MLXIP: variants seen among roughly 807,000 people sequenced by gnomAD.
MLXIP encodes MLX-interacting protein.
A neutral mutation model predicts 87.2 loss-of-function variants in MLXIP; 30 were observed. The ratio of observed to expected loss-of-function variants is 0.34; its 90% CI spans 0.26 to 0.47. The LOEUF (loss-of-function observed/expected upper bound fraction) is 0.47, where lower values mean the gene tolerates loss of function less well. MLXIP is among the 20% of genes least tolerant of loss of function. MLXIP has a pLI of 1.00. For synonymous variants in MLXIP, 530 were observed against 514.0 expected, an observed-to-expected ratio of 1.03 and a Z score of -0.42; for missense variants, 1,002 against 1,240.1, an observed-to-expected ratio of 0.81 and a Z score of 2.88.
rs139539192 is a variant in MLXIP, at chr12:122,098,971, C to T, written c.413+19705C>T. On this transcript the variant is annotated intron_variant, in intron 1 of 16. Coordinates refer to ENST00000319080, the MANE Select transcript of MLXIP (RefSeq NM_014938.6). ...ACTGCAGAGCAGCTGGGCGTGGTGG[C>T]TCACGCCTGTAATCCCAGCACTTTG... 6.6e-5 allele frequency among the ~76,000 whole-genome samples: 10 copies of T among 152,370 alleles called. No individual in the cohort carries two copies. In the East Asian group the frequency reaches 1.9e-3, roughly 29 times the overall value.
chr12:122,078,830 G>A lies in MLXIP; in HGVS notation c.-24G>A, dbSNP rs1213457564. On this transcript the variant is annotated 5_prime_UTR_variant, in exon 1 of 17. Transcript: ENST00000319080. ...TGTCGCGTTGCCCCGGGCTCCGGGG[G>A]ATGCCCCCGGCCGAGCCCTTCTCAT... 4 of 1,053,644 alleles carry A rather than the reference G, an allele frequency of 3.8e-6. No homozygotes were observed. The highest frequency in any genetic ancestry group is 4.6e-6 in the Non-Finnish European group (4 of 874,914). 65.3% of individuals were successfully genotyped at this position (1,053,644 alleles called of 1,614,324 possible). A position where few individuals can be genotyped will look rare whatever the true frequency, so the allele number is the denominator to read the frequency against.
chr12:122,135,432 G>A lies in MLXIP; in HGVS notation c.1855-57G>A. On this transcript the variant is annotated intron_variant, in intron 10 of 16. Coordinates refer to ENST00000319080, the MANE Select transcript of MLXIP (RefSeq NM_014938.6). This position sits in a 1 kb window ranked among gnomAD's most constrained non-coding sequence, Gnocchi z 5.3. ...GCGGCCCTCACCTGAGACGACTGGT[G>A]TGCCGCCCTGCTGTATATCAGCAGT... The A allele has an allele frequency of 6.2e-7, 1 of 1,605,138 alleles. No individual in the cohort carries two copies. The highest frequency in any genetic ancestry group is 8.5e-7 in the Non-Finnish European group (1 of 1,175,742).
In MLXIP at chr12:122,078,836, C is replaced by T. The variant is rs1555225729; in HGVS notation, c.-18C>T. On this transcript the variant is annotated 5_prime_UTR_variant, in exon 1 of 17. Coordinates refer to ENST00000319080, the MANE Select transcript of MLXIP (RefSeq NM_014938.6). ...GTTGCCCCGGGCTCCGGGGGATGCC[C>T]CCGGCCGAGCCCTTCTCATGGCCGC... 2.8e-6 allele frequency: 3 copies of T among 1,060,194 alleles called. No homozygotes were observed. The highest frequency in any genetic ancestry group is 4.3e-4 in the Middle Eastern group (1 of 2,340). The allele number at this position is 1,060,194 out of a possible 1,614,324, so 65.7% of individuals were successfully genotyped here. A position where few individuals can be genotyped will look rare whatever the true frequency, so the allele number is the denominator to read the frequency against.
chr12:122,138,379 C>T (rs767706723), intron 13 of MLXIP, 45 bp from the exon 14 acceptor site: 2 of 1,610,754 alleles, frequency 1.2e-6, no homozygotes, highest in African/African-American at 2.7e-5. Context: ...GGTGGCAGGC[C>T]TGCTGGCTGT....
chr12:122,079,396 G>A, intron 1 of MLXIP, 130 bp downstream of exon 1: 1 of 825,408 alleles, frequency 1.2e-6, no homozygotes. Context: ...CCTTCGGGAG[G>A]GTTTATGGAT....
intron 1 of MLXIP, among the ~76,000 whole-genome samples, chr12:122,095,847 A>T (rs1952343255): frequency 1.3e-5 from 2 of 151,038 alleles, no homozygotes; most frequent in African/African-American, 2.4e-5. Flanking sequence ...GTATATATAT[A>T]TTTTCCTTAT....
chr12:122,127,189 G>A, intron 1 of MLXIP, 67 bp from the exon 2 acceptor site: 1 of 1,250,224 alleles, frequency 8.0e-7, no homozygotes, highest in Non-Finnish European at 1.2e-6. Context: ...TGATCGGGTG[G>A]CACTTTGTAA....
rs1321479813 is a variant in MLXIP at position 122,145,020 on chromosome 12, T to G, written c.*3208T>G. The G allele has an allele frequency of 6.6e-6, 1 of 152,202 alleles. No individual in the cohort carries two copies. Among genetic ancestry groups the G allele is most frequent in the Non-Finnish European group, 1.5e-5 (1 of 68,048 alleles). The allele number at this position is 152,202 out of a possible 1,614,324, so 9.4% of individuals were successfully genotyped here. On this transcript the variant is annotated 3_prime_UTR_variant, in exon 17 of 17. Coordinates refer to ENST00000319080, the MANE Select transcript of MLXIP (RefSeq NM_014938.6). ...CCCTGCACTGCACTGCTGCCTTCCA[T>G]GGTGGGTGGGAGACCCCAGAGCGGG...
At chr12:122,080,802 A>C (rs1345326518) in intron 1 of MLXIP, among the ~76,000 whole-genome samples, 1 of 152,236 alleles carries the variant, frequency 6.6e-6, no homozygotes, top group Non-Finnish European at 1.5e-5. Context: ...ATCAAACCCG[A>C]CTGGATCGCA....
chr12:122,102,479 C>T (rs1952452404), intron 1 of MLXIP, among the ~76,000 whole-genome samples: 1 of 152,162 alleles, frequency 6.6e-6, no homozygotes, highest in African/African-American at 2.4e-5. Context: ...AATGGTGCAG[C>T]TGCTGTGGAA....
At chr12:122,091,514 A>G (rs1385984626) in intron 1 of MLXIP, among the ~76,000 whole-genome samples, 1 of 152,250 alleles carries the variant, frequency 6.6e-6, no homozygotes, top group African/African-American at 2.4e-5. Context: ...CCTTAGCAAC[A>G]TGGCAAAACC....
chr12:122,129,404 G>C (rs1008751028), intron 4 of MLXIP, 178 bp downstream of exon 4: 4 of 370,954 alleles, frequency 1.1e-5, no homozygotes, highest in African/African-American at 2.2e-5. Flanking sequence ...GCCTCGGTCA[G>C]GTTGTCTTTG....
Position 122,142,277 on chromosome 12 carries a change from G to C in MLXIP, c.*465G>C, listed in dbSNP as rs376243705. Reference sequence around the variant, plus strand: ...CCCTGCTCCACTCTCTGGTCTGCCCGTGGGGCAGTTGGAAGGCGTCTTTCT... The same window carrying C: ...CCCTGCTCCACTCTCTGGTCTGCCCCTGGGGCAGTTGGAAGGCGTCTTTCT... On this transcript the variant is annotated 3_prime_UTR_variant, in exon 17 of 17. Coordinates refer to ENST00000319080, the MANE Select transcript of MLXIP (RefSeq NM_014938.6). The C allele has an allele frequency of 2.9e-5, 20 of 692,226 alleles. No individual in the cohort carries two copies. The highest frequency in any genetic ancestry group is 4.5e-5 in the Non-Finnish European group (17 of 378,814). 42.9% of individuals were successfully genotyped at this position (692,226 alleles called of 1,614,324 possible).
At position 122,079,317 on chromosome 12, in the gene MLXIP, C is replaced by T. The variant is rs1215776396; in HGVS notation, c.413+51C>T. ...GCCCCGGCCGGAGGCCCTTGTTTGA[C>T]AAAACAAGCGTGGAGGGAAGGGCCG... On this transcript the variant is annotated intron_variant, in intron 1 of 16. Coordinates refer to ENST00000319080, the MANE Select transcript of MLXIP (RefSeq NM_014938.6). The T allele has an allele frequency of 1.4e-5, 21 of 1,505,716 alleles. 1 individual carries two copies. The highest frequency in any genetic ancestry group is 3.4e-4 in the Middle Eastern group (2 of 5,928). 93.3% of individuals were successfully genotyped at this position (1,505,716 alleles called of 1,614,324 possible).
intron 1 of MLXIP, among the ~76,000 whole-genome samples, chr12:122,118,209 C>T (rs556514986): frequency 5.9e-5 from 9 of 152,234 alleles, no homozygotes; most frequent in African/African-American, 1.9e-4. Flanking sequence ...CGGGACAGAG[C>T]GGTACGGCGT....
intron 1 of MLXIP, among the ~76,000 whole-genome samples, chr12:122,101,214 A>G (rs1426246836): frequency 2.0e-4 from 31 of 152,258 alleles, no homozygotes; most frequent in Admixed American, 2.0e-3. Context: ...CTCCTCCCTC[A>G]TCACATAGAG....
At chr12:122,106,992 C>T (rs1360459319) in intron 1 of MLXIP, among the ~76,000 whole-genome samples, 1 of 152,194 alleles carries the variant, frequency 6.6e-6, no homozygotes, top group Non-Finnish European at 1.5e-5. Context: ...GGGTGCAGGA[C>T]TCCAACTGGG....
At chr12:122,089,824 G>T (rs1444324974) in intron 1 of MLXIP, among the ~76,000 whole-genome samples, 1 of 152,176 alleles carries the variant, frequency 6.6e-6, no homozygotes, top group Non-Finnish European at 1.5e-5. Context: ...TAGTACCTTT[G>T]TTATTCGGGT....
At chr12:122,101,682 G>A (rs1213111354) in intron 1 of MLXIP, among the ~76,000 whole-genome samples, 2 of 148,578 alleles carry the variant, frequency 1.3e-5, no homozygotes, top group Non-Finnish European at 3.0e-5. Context: ...CCAGGTTCAC[G>A]CCATTCTCCT....
Sources: gnomAD v4.1 joint callset for allele counts (sites outside exome capture counted in the v4.1 genomes callset) on GRCh38, gnomAD v4.1.1 for gene constraint, Gnocchi (gnomAD v3.1) non-coding constraint, MANE v1.5 for transcripts, NCBI Gene and HGNC (gene_info 2026-07-23, HGNC 2026-07-21) for gene names.